The following MAVS variants were observed in gnomAD, a reference collection of about 807,000 sequenced individuals.
MAVS encodes mitochondrial antiviral signaling protein, also known as mitochondrial antiviral-signaling protein.
A neutral mutation model predicts 30.2 loss-of-function variants in MAVS; 20 were observed. That is an observed-to-expected ratio of 0.66 (90% CI 0.47 to 0.96). The LOEUF is 0.96. MAVS is among the 40% of genes least tolerant of loss of function. The pLI, the probability that MAVS is intolerant of heterozygous loss-of-function variation, is 0.00. For missense variants in MAVS, 624 were observed against 701.1 expected (o/e 0.89, Z 1.24); for synonymous variants, 278 against 293.9 (o/e 0.95, Z 0.55).
chr20:3,850,924 C>T (rs998003943), intron 1 of MAVS, among the ~76,000 whole-genome samples: 4 of 151,526 alleles, frequency 2.6e-5, no homozygotes, highest in Non-Finnish European at 5.9e-5. Context: ...TAGAGGCCGG[C>T]CACAGTGGCT....
chr20:3,860,264 G>A (rs2089855322), intron 3 of MAVS, among the ~76,000 whole-genome samples: 1 of 151,672 alleles, frequency 6.6e-6, no homozygotes, highest in South Asian at 2.1e-4. Context: ...GTCTTGCTCA[G>A]TCGCCCAGGC....
chr20:3,858,956 C>T (rs2089837642), intron 3 of MAVS, among the ~76,000 whole-genome samples: 1 of 151,950 alleles, frequency 6.6e-6, no homozygotes, highest in East Asian at 2.0e-4. Flanking sequence ...TGGACAACTA[C>T]ACCTGGCTAA....
At chr20:3,850,181 G>T (rs2089745552) in intron 1 of MAVS, among the ~76,000 whole-genome samples, 1 of 150,306 alleles carries the variant, frequency 6.7e-6, no homozygotes, top group African/African-American at 2.5e-5. Context: ...GGAGGCTGAG[G>T]CAGGAGAATG....
At chr20:3,856,928 CG>C (rs1240200205) in intron 2 of MAVS, among the ~76,000 whole-genome samples, 3 of 150,302 alleles carry the variant, frequency 2.0e-5, no homozygotes, top group Non-Finnish European at 4.4e-5. Flanking sequence ...CCCAGCTACT[CG>C]GGAGGCTGAG....
In MAVS at chr20:3,871,388, C is replaced by T. The variant is rs1196461966; in HGVS notation, c.*5241C>T. On this transcript the variant is annotated 3_prime_UTR_variant, in exon 7 of 7. Coordinates refer to ENST00000428216, the MANE Select transcript of MAVS (RefSeq NM_020746.5). The stretch of plus-strand genomic sequence containing the variant: ...GTTCAGAGTTGGAGTAGCGCAGGAT[C>T]CTGTCTTCAGAGGAGGGGCCGAAGC... 1 of 153,798 alleles carries T rather than the reference C, an allele frequency of 6.5e-6. No individual in the cohort carries two copies. Among genetic ancestry groups the T allele is most frequent in the African/African-American group, 2.4e-5 (1 of 41,426 alleles). The allele number at this position is 153,798 out of a possible 1,614,324, so 9.5% of individuals were successfully genotyped here.
intron 5 of MAVS, 26 bp downstream of exon 5, chr20:3,862,439 G>T: frequency 6.3e-7 from 1 of 1,599,952 alleles, no homozygotes; most frequent in Non-Finnish European, 8.5e-7. Flanking sequence ...GGAATTATAG[G>T]GTCCTTCTGA....
At chr20:3,861,553 G>T (rs1205774413) in intron 4 of MAVS, 49 bp downstream of exon 4, 11 of 1,569,992 alleles carry the variant, frequency 7.0e-6, no homozygotes, top group Non-Finnish European at 9.6e-6. Context: ...GTTCCTATCT[G>T]CCCACTTCTG....
In MAVS at chr20:3,870,145, C is replaced by G. The variant is rs1333943161; in HGVS notation, c.*3998C>G. 2 of 152,216 alleles carry G rather than the reference C, an allele frequency of 1.3e-5. No individual in the cohort carries two copies. The highest frequency in any genetic ancestry group is 2.9e-5 in the Non-Finnish European group (2 of 68,034). The allele number at this position is 152,216 out of a possible 1,614,324, so 9.4% of individuals were successfully genotyped here. A position where few individuals can be genotyped will look rare whatever the true frequency, so the allele number is the denominator to read the frequency against. On this transcript the variant is annotated 3_prime_UTR_variant, in exon 7 of 7. Coordinates refer to ENST00000428216, the MANE Select transcript of MAVS (RefSeq NM_020746.5). ...CCTCACAGCCAGATAATGTGGAGGT[C>G]AGAACCCAAGGAAGGGAGTGAGACC...
Position 3,861,421 on chromosome 20 carries a change from A to G in MAVS, c.382A>G (p.Ile128Val). 1 of 1,614,088 alleles carries G rather than the reference A, an allele frequency of 6.2e-7. No homozygotes were observed. Among genetic ancestry groups the G allele is most frequent in the South Asian group, 1.1e-5 (1 of 91,078 alleles). ...CCCCACACCTGCTGCGGCCCACAGCATCCCCTACAACAGCTGCAGAGAGAA... is the reference window on the plus strand; with the variant it reads ...CCCCACACCTGCTGCGGCCCACAGCGTCCCCTACAACAGCTGCAGAGAGAA... ...GPPTPAAAHS[I>V]PYNSCREKEP... Residue 128 changes from isoleucine to valine, a missense_variant, in exon 4 of 7, where the codon ATC becomes GTC. Ile to Val is a conservative substitution (Grantham distance 29). Coordinates refer to ENST00000428216, the MANE Select transcript of MAVS (RefSeq NM_020746.5).
Position 3,864,757 on chromosome 20 carries a change from C to T in MAVS, c.1127C>T (p.Thr376Ile). The T allele has an allele frequency of 6.2e-7, 1 of 1,614,154 alleles. No individual in the cohort carries two copies. Among genetic ancestry groups the T allele is most frequent in the Non-Finnish European group, 8.5e-7 (1 of 1,180,030 alleles). The change falls in exon 6 of 7, where the codon ACA becomes ATA. Residue 376 changes from threonine to isoleucine, a missense_variant. Physicochemically the swap from Thr to Ile is moderately conservative, Grantham distance 89. Transcript: ENST00000428216. The stretch of plus-strand genomic sequence containing the variant: ...GTGCTCACCAAGGTGTCTGCCAGCA[C>T]AGTCCCCACTGACGGGAGCAGCAGA... The part of the protein sequence containing the change: ...SMVLTKVSAS[T>I]VPTDGSSRNE...
rs984032163 is a variant in MAVS, at chr20:3,865,295, G to T, written c.1159-388G>T. Among the ~76,000 whole-genome samples, 3 of 152,108 alleles carry T rather than the reference G, an allele frequency of 2.0e-5. No individual in the cohort carries two copies. Among genetic ancestry groups the T allele is most frequent in the African/African-American group, 7.2e-5 (3 of 41,434 alleles). On this transcript the variant is annotated intron_variant, in intron 6 of 6. Transcript: ENST00000428216. The surrounding 1 kb of genome is among the most constrained non-coding windows in gnomAD (Gnocchi z 4.7). ...AAGCCTCACATCTAACCCTAGCTGC[G>T]GCTGTCTGCTGGGAAGAGCCAAGTC...
At position 3,865,532 on chromosome 20, in the gene MAVS, G is replaced by A. The variant is rs1449335412; in HGVS notation, c.1159-151G>A. On this transcript the variant is annotated intron_variant, in intron 6 of 6. Coordinates refer to ENST00000428216, the MANE Select transcript of MAVS (RefSeq NM_020746.5). This position sits in a 1 kb window ranked among gnomAD's most constrained non-coding sequence, Gnocchi z 4.7. ...ATTCTTGGTCCCCTCTACCCCCACT[G>A]CTCCAAGAAAAGGTGGCCTAGGGGC... The A allele has an allele frequency of 1.4e-6, 1 of 734,534 alleles. No individual in the cohort carries two copies. The highest frequency in any genetic ancestry group is 2.2e-6 in the Non-Finnish European group (1 of 458,804). 45.5% of individuals were successfully genotyped at this position (734,534 alleles called of 1,614,324 possible).
chr20:3,866,211 C>T lies in MAVS; in HGVS notation c.*64C>T, dbSNP rs116098684. On this transcript the variant is annotated 3_prime_UTR_variant, in exon 7 of 7. Transcript: ENST00000428216. ...TCCTGCAGTACACCTGGCCCCTCTC[C>T]GAAGCCCCTTGTCCCTTTCTTGGGG... 2,450 of 1,415,546 alleles carry T rather than the reference C, an allele frequency of 1.7e-3. 29 individuals carry two copies. The African/African-American group carries it at 0.031, about 18-fold the overall frequency. The allele number at this position is 1,415,546 out of a possible 1,614,324, so 87.7% of individuals were successfully genotyped here.
intron 3 of MAVS, chr20:3,858,064 G>A: frequency 1.9e-6 from 1 of 530,110 alleles, no homozygotes; most frequent in African/African-American, 1.9e-5. Context: ...GCCGCGGGGA[G>A]CTGCAGTGGG....
At chr20:3,853,594 G>C (rs974414198) in intron 1 of MAVS, among the ~76,000 whole-genome samples, 1 of 151,990 alleles carries the variant, frequency 6.6e-6, no homozygotes, top group African/African-American at 2.4e-5. Flanking sequence ...AGGCGTTTGA[G>C]ACCAGCCTGG....
intron 1 of MAVS, among the ~76,000 whole-genome samples, chr20:3,853,239 C>G (rs2089777732): frequency 6.7e-6 from 1 of 150,328 alleles, no homozygotes. Flanking sequence ...GTAATCCCAG[C>G]ACTTTGGGAG....
intron 1 of MAVS, among the ~76,000 whole-genome samples, chr20:3,852,493 A>G (rs561733678): frequency 9.9e-4 from 151 of 152,226 alleles, no homozygotes; most frequent in Admixed American, 2.1e-3. Context: ...ACGTTTAGGT[A>G]TAGCCCTCTT....
intron 1 of MAVS, among the ~76,000 whole-genome samples, chr20:3,853,105 C>T (rs960241083): frequency 8.0e-5 from 12 of 149,590 alleles, no homozygotes; most frequent in Admixed American, 5.3e-4. Flanking sequence ...TCCCAACGTG[C>T]TGGGGTTACA....
In MAVS at chr20:3,868,020, A is replaced by C. The variant is rs927681205; in HGVS notation, c.*1873A>C. 1.8e-4 allele frequency: 27 copies of C among 152,380 alleles called. No individual in the cohort carries two copies. The highest frequency in any genetic ancestry group is 6.5e-4 in the African/African-American group (27 of 41,438). 9.4% of individuals were successfully genotyped at this position (152,380 alleles called of 1,614,324 possible). The stretch of plus-strand genomic sequence containing the variant: ...CACCCCAAGCCGTCAGCCTCCAGGG[A>C]TCTACACCCTGCCTTGGCTGCTACA... On this transcript the variant is annotated 3_prime_UTR_variant, in exon 7 of 7. Transcript: ENST00000428216.
Sources: gnomAD v4.1 joint callset for allele counts (sites outside exome capture counted in the v4.1 genomes callset) on GRCh38, gnomAD v4.1.1 for gene constraint, Gnocchi (gnomAD v3.1) non-coding constraint, MANE v1.5 for transcripts, NCBI Gene and HGNC (gene_info 2026-07-23, HGNC 2026-07-21) for gene names.